SLC14A2: variants seen among roughly 807,000 people sequenced by gnomAD.
SLC14A2 encodes the protein solute carrier family 14 member 2, also known as urea transporter 2.
In SLC14A2, 91 loss-of-function variants were observed where a neutral mutation model predicts 104.6. The ratio of observed to expected loss-of-function variants is 0.87; its 90% CI spans 0.73 to 1.04. The LOEUF is 1.04. Ranked by LOEUF, SLC14A2 falls within the 50% of genes least tolerant of loss-of-function variation. The pLI is 0.00. For missense variants in SLC14A2, 1,189 were observed against 1,156.0 expected, an observed-to-expected ratio of 1.03 and a Z score of -0.41; for synonymous variants, 476 against 466.4, an observed-to-expected ratio of 1.02 and a Z score of -0.27.
intron 1 of SLC14A2, among the ~76,000 whole-genome samples, chr18:45,436,261 C>A (rs370733899): frequency 6.6e-6 from 1 of 152,174 alleles, no homozygotes; most frequent in African/African-American, 2.4e-5. Context: ...GGTCAATGTG[C>A]AAATGGACTT....
intron 1 of SLC14A2, among the ~76,000 whole-genome samples, chr18:45,334,654 C>G (rs1391987311): frequency 1.3e-5 from 2 of 152,094 alleles, no homozygotes; most frequent in Non-Finnish European, 2.9e-5. Context: ...TTGCCTTGAT[C>G]TTTCTTTTCT....
the SLC14A2 span, among the ~76,000 whole-genome samples, chr18:45,174,210 A>T: frequency 6.6e-6 from 1 of 152,102 alleles, no homozygotes; most frequent in South Asian, 2.1e-4. Context: ...CATGTCATAG[A>T]AGATCTCTCC....
At chr18:45,179,738 G>C in the SLC14A2 span, 8 of 151,652 alleles carry the variant, frequency 5.3e-5, no homozygotes, top group South Asian at 6.3e-4. Flanking sequence ...GGCATATAAG[G>C]GTTCAGAAAA....
Position 45,364,054 on chromosome 18 carries a change from C to T in SLC14A2, c.-124-119179C>T, listed in dbSNP as rs142485998. Among the ~76,000 whole-genome samples, 12 of 152,294 alleles carry T rather than the reference C, an allele frequency of 7.9e-5. No individual in the cohort carries two copies. The East Asian group carries it at 2.3e-3, about 29-fold the overall frequency. Reference sequence around the variant, plus strand: ...TCCTTCCAGTTTCAAATGCCAGTGCCTCCTTAAAGCTTTCCCGTCTCACCT... The same window carrying T: ...TCCTTCCAGTTTCAAATGCCAGTGCTTCCTTAAAGCTTTCCCGTCTCACCT... On this transcript the variant is annotated intron_variant, in intron 1 of 20. Coordinates refer to the SLC14A2 transcript ENST00000586448.
intron 1 of SLC14A2, among the ~76,000 whole-genome samples, chr18:45,346,303 G>T (rs2144295226): frequency 6.6e-6 from 1 of 152,244 alleles, no homozygotes; most frequent in Non-Finnish European, 1.5e-5. Context: ...TTACAGGCAT[G>T]CACCACCACA....
the SLC14A2 span, among the ~76,000 whole-genome samples, chr18:45,183,906 A>ATCTTTTTTTTTTTTTTTTTTTTTTT: frequency 1.6e-5 from 1 of 62,698 alleles, no homozygotes; most frequent in Non-Finnish European, 2.7e-5. Flanking sequence ...TAATTTTCTA[A>ATCTTTTTTTTTTTTTTTTTTTTTTT]TTTTTTTTTT....
At chr18:45,279,124 C>A (rs916108738) in intron 1 of SLC14A2, among the ~76,000 whole-genome samples, 1 of 152,154 alleles carries the variant, frequency 6.6e-6, no homozygotes, top group East Asian at 1.9e-4. Flanking sequence ...TTCAGCTCCC[C>A]CTCAGCAGAC....
At chr18:45,423,773 A>T (rs1363444511) in intron 1 of SLC14A2, 1 of 152,244 alleles carries the variant, frequency 6.6e-6, no homozygotes, top group African/African-American at 2.4e-5. Flanking sequence ...ATGATGACAT[A>T]ACTTGATATT....
At chr18:45,500,959 C>CAGGGGTGAGGAAAGACA (rs2043188801) in intron 2 of SLC14A2, among the ~76,000 whole-genome samples, 1 of 152,130 alleles carries the variant, frequency 6.6e-6, no homozygotes, top group Non-Finnish European at 1.5e-5. Context: ...ACCTCCTTTG[C>CAGGGGTGAGGAAAGACA]AGGGGTGAGG....
At chr18:45,497,686 T>C (rs2043124385) in intron 2 of SLC14A2, among the ~76,000 whole-genome samples, 1 of 152,172 alleles carries the variant, frequency 6.6e-6, no homozygotes, top group Non-Finnish European at 1.5e-5. Flanking sequence ...AGGCATGGTG[T>C]TCCCATTGAG....
chr18:45,566,413 T>C (rs1267123905), intron 2 of SLC14A2, among the ~76,000 whole-genome samples: 2 of 152,180 alleles, frequency 1.3e-5, no homozygotes, highest in African/African-American at 4.8e-5. Context: ...TTATTCAGAT[T>C]TCCTAAAACA....
At chr18:45,283,794 G>T (rs1012731214) in intron 1 of SLC14A2, among the ~76,000 whole-genome samples, 2 of 151,970 alleles carry the variant, frequency 1.3e-5, no homozygotes, top group African/African-American at 4.8e-5. Context: ...TACCTCGAGG[G>T]TCTTACACTC....
intron 1 of SLC14A2, among the ~76,000 whole-genome samples, chr18:45,266,721 A>G (rs991742602): frequency 2.6e-5 from 4 of 152,174 alleles, no homozygotes; most frequent in African/African-American, 4.8e-5. Context: ...GCCAAATCAT[A>G]TATACAACTG....
chr18:45,419,773 C>CAAAAAA (rs56030142), intron 1 of SLC14A2, among the ~76,000 whole-genome samples: 1 of 138,754 alleles, frequency 7.2e-6, no homozygotes. Context: ...GACTCCAACT[C>CAAAAAA]AAAAAAAAAA....
intron 1 of SLC14A2, among the ~76,000 whole-genome samples, chr18:45,243,754 T>C (rs1440413918): frequency 6.6e-6 from 1 of 152,310 alleles, no homozygotes; most frequent in South Asian, 2.1e-4. Flanking sequence ...GCTGAGAGAC[T>C]GGGTGTCATA....
At chr18:45,352,678 G>C (rs1045648982) in intron 1 of SLC14A2, among the ~76,000 whole-genome samples, 2 of 152,008 alleles carry the variant, frequency 1.3e-5, no homozygotes, top group Non-Finnish European at 2.9e-5. Context: ...GAAAATAAAA[G>C]AAGTGGTAAG....
At chr18:45,473,029 A>C (rs774832962) in intron 1 of SLC14A2, among the ~76,000 whole-genome samples, 9 of 152,206 alleles carry the variant, frequency 5.9e-5, no homozygotes, top group South Asian at 2.1e-4. Flanking sequence ...TTAAGTCTTT[A>C]ATCCATCTTA....
intron 1 of SLC14A2, among the ~76,000 whole-genome samples, chr18:45,227,335 A>G (rs73423886): frequency 0.072 from 10,953 of 152,306 alleles, 465 homozygotes; most frequent in African/African-American, 0.11. Flanking sequence ...AGTTGCAAGA[A>G]TGATGAGAGT....
At chr18:45,239,317 T>C (rs1207983210) in intron 1 of SLC14A2, among the ~76,000 whole-genome samples, 2 of 152,254 alleles carry the variant, frequency 1.3e-5, no homozygotes, top group Non-Finnish European at 2.9e-5. Context: ...GTAGGTGTAT[T>C]AGAGCTGATC....
Sources: allele counts gnomAD v4.1 joint callset (sites outside exome capture counted in the v4.1 genomes callset), GRCh38; gene constraint gnomAD v4.1.1; transcripts MANE v1.5; gene names NCBI Gene and HGNC (gene_info 2026-07-23, HGNC 2026-07-21).